SLC4A7: variants seen among roughly 807,000 people sequenced by gnomAD.
The protein encoded by SLC4A7 is sodium bicarbonate cotransporter 3.
Under a neutral mutation model 137.6 loss-of-function variants are expected in SLC4A7, and 51 were observed. The observed-to-expected ratio is 0.37, with a 90% CI of 0.30 to 0.47. SLC4A7 has a LOEUF of 0.47. Ranked by LOEUF, SLC4A7 falls within the 20% of genes least tolerant of loss-of-function variation. The pLI is 1.00. For synonymous variants in SLC4A7, 542 were observed against 518.6 expected (o/e 1.05, Z -0.61); for missense variants, 1,247 against 1,525.4 (o/e 0.82, Z 3.04).
rs2050897108 is a variant in SLC4A7 at position 27,385,923 on chromosome 3, T to A, written c.3461A>T (p.Lys1154Ile). ...CTCTTTTTTCTTTTTGTCATCTTCT[T>A]TCTTTTTCTTACTTTCTGGCATAAG... ...DDLMPESKKK[K>I]EDDKKKKEKE... Residue 1154 changes from lysine to isoleucine, a missense_variant, in exon 23 of 26, where the codon AAA (lysine) becomes ATA (isoleucine). Physicochemically the swap from Lys to Ile is moderately radical, Grantham distance 102. This residue lies in a region of SLC4A7 where 290 missense variants were observed against 323.8 expected (regional missense o/e 0.90). Transcript: ENST00000454389. 6.3e-7 allele frequency: 1 copy of A among 1,580,430 alleles called. No homozygotes were observed. Among genetic ancestry groups the A allele is most frequent in the East Asian group, 2.2e-5 (1 of 44,592 alleles).
At chr3:27,478,551 C>T (rs2059569916) in intron 1 of SLC4A7, among the ~76,000 whole-genome samples, 2 of 151,150 alleles carry the variant, frequency 1.3e-5, no homozygotes, top group South Asian at 4.2e-4. Context: ...TTAAAGCATC[C>T]TCCCTATTTC....
At chr3:27,463,672 G>A (rs62257194) in intron 1 of SLC4A7, among the ~76,000 whole-genome samples, 7,281 of 152,156 alleles carry the variant, frequency 0.048, 332 homozygotes, top group African/African-American at 0.12. Flanking sequence ...GGGTGGAGCC[G>A]CGAAGTTTGC....
intron 24 of SLC4A7, among the ~76,000 whole-genome samples, 185 bp downstream of exon 24, chr3:27,382,968 T>C (rs1458832284): frequency 1.3e-5 from 2 of 152,206 alleles, no homozygotes; most frequent in Non-Finnish European, 2.9e-5. Context: ...AAGTCCAGCT[T>C]GGGTGGGAAA....
chr3:27,475,959 T>G (rs1305166965), intron 1 of SLC4A7, among the ~76,000 whole-genome samples: 1 of 152,010 alleles, frequency 6.6e-6, no homozygotes, highest in African/African-American at 2.4e-5. Context: ...TAAAAGCAGA[T>G]GAACAGAAAG....
At chr3:27,429,888 T>C (rs1454801618) in intron 7 of SLC4A7, among the ~76,000 whole-genome samples, 1 of 147,180 alleles carries the variant, frequency 6.8e-6, no homozygotes, top group Non-Finnish European at 1.5e-5. Flanking sequence ...AAGCCTAAAA[T>C]GTACTACATT....
chr3:27,453,910 G>T (rs1052648391), intron 1 of SLC4A7, among the ~76,000 whole-genome samples: 1 of 152,282 alleles, frequency 6.6e-6, no homozygotes, highest in East Asian at 1.9e-4. Flanking sequence ...AATGATTGGT[G>T]TTCAATTTAA....
intron 4 of SLC4A7, 86 bp from the exon 5 acceptor site, chr3:27,436,634 T>C: frequency 2.4e-6 from 2 of 841,358 alleles, no homozygotes; most frequent in Non-Finnish European, 3.4e-6. Context: ...ATTTGTTCTT[T>C]AAAGAAAAAA....
chr3:27,436,705 C>T (rs2056764671), intron 4 of SLC4A7, among the ~76,000 whole-genome samples, 157 bp from the exon 5 acceptor site: 1 of 151,068 alleles, frequency 6.6e-6, no homozygotes. Context: ...TAATGGTCTA[C>T]AATATCTATA....
intron 11 of SLC4A7, among the ~76,000 whole-genome samples, chr3:27,414,328 T>A (rs1043548839): frequency 2.0e-5 from 3 of 150,856 alleles, no homozygotes; most frequent in Admixed American, 1.3e-4. Context: ...AACAAGGGAG[T>A]TGGTACCAAC....
chr3:27,456,589 C>T (rs1487155023), intron 1 of SLC4A7: 2 of 1,124,226 alleles, frequency 1.8e-6, no homozygotes, highest in African/African-American at 1.5e-5. Flanking sequence ...TCAAGCTTCA[C>T]TATTAAACTC....
intron 16 of SLC4A7, 138 bp downstream of exon 16, chr3:27,400,626 A>G (rs2052651377): frequency 3.5e-6 from 2 of 573,488 alleles, no homozygotes; most frequent in East Asian, 2.9e-5. Flanking sequence ...AGCAACTGCT[A>G]TCTGGTCAAA....
intron 24 of SLC4A7, among the ~76,000 whole-genome samples, chr3:27,380,046 C>G (rs528973915): frequency 6.6e-6 from 1 of 152,176 alleles, no homozygotes; most frequent in African/African-American, 2.4e-5. Flanking sequence ...TGGTGGCTCA[C>G]GCCTATAATC....
intron 5 of SLC4A7, among the ~76,000 whole-genome samples, chr3:27,436,106 T>C (rs1444518696): frequency 6.6e-6 from 1 of 152,230 alleles, no homozygotes; most frequent in Admixed American, 6.5e-5. Context: ...TCTGTGGCTA[T>C]TCCCCACATC....
At chr3:27,388,710 T>C (rs28660304) in intron 22 of SLC4A7, among the ~76,000 whole-genome samples, 3,763 of 152,226 alleles carry the variant, frequency 0.025, 170 homozygotes, top group African/African-American at 0.087. Flanking sequence ...CATTTGGAAT[T>C]AATTTGATGG....
chr3:27,416,580 AT>A (rs1315234732), intron 11 of SLC4A7, among the ~76,000 whole-genome samples: 3 of 152,116 alleles, frequency 2.0e-5, no homozygotes, highest in Non-Finnish European at 2.9e-5. Context: ...TTGCATGCAA[AT>A]TTTTTCAAAT....
intron 24 of SLC4A7, among the ~76,000 whole-genome samples, chr3:27,382,632 G>A (rs948163212): frequency 5.9e-5 from 9 of 151,982 alleles, no homozygotes; most frequent in African/African-American, 1.9e-4. Context: ...AACCCTCACC[G>A]CCAATAATCA....
intron 13 of SLC4A7, among the ~76,000 whole-genome samples, chr3:27,406,221 C>G (rs2053337884): frequency 6.6e-6 from 1 of 152,174 alleles, no homozygotes; most frequent in South Asian, 2.1e-4. Context: ...TAAGCTTTCT[C>G]ACTTTGAAAT....
At chr3:27,384,674 T>G (rs913608449) in intron 23 of SLC4A7, among the ~76,000 whole-genome samples, 1 of 152,044 alleles carries the variant, frequency 6.6e-6, no homozygotes, top group East Asian at 1.9e-4. Flanking sequence ...CATGAAAAAC[T>G]CATACAGGCC....
chr3:27,420,349 A>G (rs1170585332), intron 10 of SLC4A7, among the ~76,000 whole-genome samples: 1 of 152,090 alleles, frequency 6.6e-6, no homozygotes, highest in African/African-American at 2.4e-5. Context: ...TCGGGACCCC[A>G]TATCAGAGAA....
Sources: gnomAD v4.1 joint callset for allele counts (sites outside exome capture counted in the v4.1 genomes callset) on GRCh38, gnomAD v4.1.1 for gene constraint, gnomAD v4.1.1 regional missense constraint, MANE v1.5 for transcripts, NCBI Gene and HGNC (gene_info 2026-07-23, HGNC 2026-07-21) for gene names.